The following TYW5 variants were observed in gnomAD, a reference collection of about 807,000 sequenced individuals.
The protein encoded by TYW5 is tRNA-yW synthesizing protein 5.
A neutral mutation model predicts 44.4 loss-of-function variants in TYW5; 36 were observed. The observed-to-expected ratio is 0.81, with a 90% confidence interval of 0.62 to 1.07. TYW5 has a LOEUF of 1.07. Among genes scored for constraint, TYW5 ranks in the 50% least tolerant of loss-of-function variants. The pLI is 0.00. For synonymous variants in TYW5, 121 were observed against 128.1 expected (o/e 0.94, Z 0.37); for missense variants, 354 against 365.7 (o/e 0.97, Z 0.26).
chr2:199,943,516 A>G, intron 3 of TYW5: 1 of 351,152 alleles, frequency 2.8e-6, no homozygotes, highest in Non-Finnish European at 5.1e-6. Flanking sequence ...CCTCACAAAC[A>G]CTTTATAAAA....
At chr2:199,948,140 A>T (rs1258583499) in intron 2 of TYW5, 178 bp downstream of exon 2, 1 of 614,462 alleles carries the variant, frequency 1.6e-6, no homozygotes, top group Non-Finnish European at 2.8e-6. Context: ...TAATTATGTA[A>T]ACTCAGAACT....
At chr2:199,946,101 T>G (rs1473503669) in intron 2 of TYW5, 1 of 152,180 alleles carries the variant, frequency 6.6e-6, no homozygotes, top group Non-Finnish European at 1.5e-5. Context: ...GAGAAGTTAC[T>G]TAATATTTTT....
At chr2:199,943,522 T>C (rs2077481411) in intron 3 of TYW5, 1 of 366,314 alleles carries the variant, frequency 2.7e-6, no homozygotes, top group South Asian at 5.3e-5. Context: ...AAACACTTTA[T>C]AAAATAGGTA....
rs538435521 is a variant in TYW5, at chr2:199,950,640, CTGTGTGTGTGTA to C, written c.79-2180_79-2169del. Among the ~76,000 whole-genome samples the C allele has an allele frequency of 2.8e-3, 425 of 151,922 alleles. 1 individual carries two copies. The highest frequency in any genetic ancestry group is 7.0e-3 in the African/African-American group (291 of 41,438). On this transcript the variant is annotated intron_variant, in intron 1 of 7. Transcript: ENST00000354611. The stretch of plus-strand genomic sequence containing the variant: ...CCAGTATGAGTGAGTGCATGTGGGT[CTGTGTGTGTGTA>C]TGTGTGTGTGTATGTGCACGTGCGC...
chr2:199,946,767 C>T (rs1296377384), intron 2 of TYW5: 1 of 152,084 alleles, frequency 6.6e-6, no homozygotes, highest in Non-Finnish European at 1.5e-5. Context: ...CTAAAAATGA[C>T]TAAACCTATT....
chr2:199,951,973 T>C (rs1001882423), intron 1 of TYW5, among the ~76,000 whole-genome samples: 10 of 150,820 alleles, frequency 6.6e-5, no homozygotes, highest in South Asian at 2.1e-4. Context: ...GCTGAGATCG[T>C]GCCACTGCAC....
At position 199,936,057 on chromosome 2, in the gene TYW5, T is replaced by C; in HGVS notation, c.575-10A>G. 1 of 1,446,258 alleles carries C rather than the reference T, an allele frequency of 6.9e-7. No individual in the cohort carries two copies. Among genetic ancestry groups the C allele is most frequent in the Non-Finnish European group, 9.6e-7 (1 of 1,038,260 alleles). The allele number at this position is 1,446,258 out of a possible 1,614,324, so 89.6% of individuals were successfully genotyped here. A position where few individuals can be genotyped will look rare whatever the true frequency, so the allele number is the denominator to read the frequency against. On this transcript the variant is annotated splice_polypyrimidine_tract_variant and intron_variant, in intron 6 of 7. Coordinates refer to ENST00000354611, the MANE Select transcript of TYW5 (RefSeq NM_001039693.3). ...ACTTCTGATTTAGTACCTAAAAAGT[T>C]CCAAAAAGGGATAATATAGATTCAG...
intron 4 of TYW5, among the ~76,000 whole-genome samples, chr2:199,939,737 T>C (rs191668448): frequency 6.6e-6 from 1 of 152,342 alleles, no homozygotes; most frequent in East Asian, 1.9e-4. Context: ...AATTTGACTC[T>C]GAATACATGT....
intron 2 of TYW5, chr2:199,947,342 A>C (rs1401200450): frequency 2.6e-5 from 4 of 152,242 alleles, no homozygotes; most frequent in Non-Finnish European, 4.4e-5. Context: ...TAATTTAACA[A>C]TTTAAATGAA....
intron 5 of TYW5, among the ~76,000 whole-genome samples, chr2:199,936,955 C>G (rs2077425649): frequency 6.6e-6 from 1 of 152,044 alleles, no homozygotes; most frequent in South Asian, 2.1e-4. Flanking sequence ...TTATAGGTAT[C>G]TTGATTTTCA....
chr2:199,955,378 G>T lies in TYW5; in HGVS notation c.78+15C>A. On this transcript the variant is annotated intron_variant, in intron 1 of 7. Coordinates refer to ENST00000354611, the MANE Select transcript of TYW5 (RefSeq NM_001039693.3). ...CGCTGGTTTCTCGAGGTTCTGCCCC[G>T]CGCGAGGGCCTCACCTGTGGGTAGA... 4 of 1,612,264 alleles carry T rather than the reference G, an allele frequency of 2.5e-6. No individual in the cohort carries two copies. The highest frequency in any genetic ancestry group is 3.4e-6 in the Non-Finnish European group (4 of 1,179,384).
Position 199,931,718 on chromosome 2 carries a change from GAT to G in TYW5, c.*1347_*1348del, listed in dbSNP as rs1015135312. 2.0e-5 allele frequency: 3 copies of G among 152,096 alleles called. No homozygotes were observed. Among genetic ancestry groups the G allele is most frequent in the African/African-American group, 7.2e-5 (3 of 41,434 alleles). The allele number at this position is 152,096 out of a possible 1,614,324, so 9.4% of individuals were successfully genotyped here. A position where few individuals can be genotyped will look rare whatever the true frequency, so the allele number is the denominator to read the frequency against. The stretch of plus-strand genomic sequence containing the variant: ...ATAATTTATAGGACATGAGTGGATG[GAT>G]TCTCTTCAATAGAGAAAATGATTTT... On this transcript the variant is annotated 3_prime_UTR_variant, in exon 8 of 8. Transcript: ENST00000354611.
At chr2:199,951,879 T>C (rs973298750) in intron 1 of TYW5, among the ~76,000 whole-genome samples, 3 of 151,982 alleles carry the variant, frequency 2.0e-5, no homozygotes, top group Non-Finnish European at 4.4e-5. Flanking sequence ...TAGCCGGGTG[T>C]GGTGGCGGGC....
chr2:199,952,611 G>A (rs2077554614), intron 1 of TYW5, among the ~76,000 whole-genome samples: 2 of 151,944 alleles, frequency 1.3e-5, no homozygotes, highest in Non-Finnish European at 2.9e-5. Context: ...CTCCCACTTT[G>A]TATTTGTCTT....
intron 3 of TYW5, chr2:199,942,579 A>G (rs1053956268): frequency 1.4e-4 from 22 of 152,238 alleles, no homozygotes; most frequent in African/African-American, 5.3e-4. Context: ...CTGAATATAC[A>G]TGTTCAAAGC....
intron 1 of TYW5, among the ~76,000 whole-genome samples, chr2:199,954,193 C>T (rs1397516558): frequency 6.6e-6 from 1 of 151,998 alleles, no homozygotes; most frequent in Admixed American, 6.6e-5. Context: ...CTCGACCTCC[C>T]GGGCTCAAGC....
chr2:199,952,480 C>A (rs1302465161), intron 1 of TYW5, among the ~76,000 whole-genome samples: 1 of 152,024 alleles, frequency 6.6e-6, no homozygotes, highest in Non-Finnish European at 1.5e-5. Context: ...AATGTTTTTT[C>A]CCCCCTCAAT....
chr2:199,952,680 T>G (rs2077555137), intron 1 of TYW5, among the ~76,000 whole-genome samples: 1 of 152,248 alleles, frequency 6.6e-6, no homozygotes, highest in Admixed American at 6.5e-5. Context: ...AATTTTAATC[T>G]AATATTACAC....
intron 1 of TYW5, 152 bp downstream of exon 1, chr2:199,955,241 T>G: frequency 2.5e-6 from 2 of 786,414 alleles, no homozygotes; most frequent in Non-Finnish European, 3.9e-6. Context: ...CGTGCACCTT[T>G]CCCTTGGTCT....
Sources: gnomAD v4.1 joint callset for allele counts (sites outside exome capture counted in the v4.1 genomes callset) on GRCh38, gnomAD v4.1.1 for gene constraint, MANE v1.5 for transcripts, NCBI Gene and HGNC (gene_info 2026-07-23, HGNC 2026-07-21) for gene names.